TIAM1: variants seen among roughly 807,000 people sequenced by gnomAD.
TIAM1 encodes rho guanine nucleotide exchange factor TIAM1.
In TIAM1, 65 loss-of-function variants were observed where a neutral mutation model predicts 163.5. That is an observed-to-expected ratio of 0.40 (90% CI 0.33 to 0.49). TIAM1 has a LOEUF of 0.49. Ranked by LOEUF, TIAM1 falls within the 20% of genes least tolerant of loss-of-function variation. The pLI, the probability that TIAM1 is intolerant of heterozygous loss-of-function variation, is 0.77. For synonymous variants in TIAM1, 833 were observed against 810.1 expected (o/e 1.03, Z -0.48); for missense variants, 1,789 against 2,044.7 (o/e 0.87, Z 2.41).
Position 31,223,550 on chromosome 21 carries a change from G to T in TIAM1, c.1851C>A (p.Asp617Glu). 2 of 1,612,714 alleles carry T rather than the reference G, an allele frequency of 1.2e-6. No individual in the cohort carries two copies. Among genetic ancestry groups the T allele is most frequent in the Non-Finnish European group, 1.7e-6 (2 of 1,179,012 alleles). Reference sequence around the variant, plus strand: ...CTAAATAACAGCGGAAACGAAACAGGTCCATTTGGAACTGCTCGAGATTTT... The same window carrying T: ...CTAAATAACAGCGGAAACGAAACAGTTCCATTTGGAACTGCTCGAGATTTT... ...WEQNLEQFQM[D>E]LFRFRCYLAS... Residue 617 changes from aspartate to glutamate, a missense_variant, in exon 8 of 28, where the codon GAC (aspartate) becomes GAA (glutamate). Asp to Glu is a conservative substitution (Grantham distance 45). This residue lies in a region of TIAM1 where 456 missense variants were observed against 586.6 expected (regional missense o/e 0.78). Coordinates refer to ENST00000541036, the MANE Select transcript of TIAM1 (RefSeq NM_001353694.2).
chr21:31,424,531 A>G (rs2043713426), intron 2 of TIAM1, among the ~76,000 whole-genome samples: 1 of 152,214 alleles, frequency 6.6e-6, no homozygotes, highest in Admixed American at 6.5e-5. Flanking sequence ...ACTGAAATAA[A>G]CCAGTTGCAA....
chr21:31,264,167 T>C (rs188354445), intron 4 of TIAM1, among the ~76,000 whole-genome samples: 79 of 152,282 alleles, frequency 5.2e-4, no homozygotes, highest in Non-Finnish European at 9.3e-4. Flanking sequence ...CACGTGCATG[T>C]TTGTTACATG....
At chr21:31,530,598 A>G (rs1470116622) in intron 1 of TIAM1, among the ~76,000 whole-genome samples, 2 of 152,228 alleles carry the variant, frequency 1.3e-5, no homozygotes, top group African/African-American at 4.8e-5. Flanking sequence ...GGGGCACCCC[A>G]GTGCCCGACT....
chr21:31,261,647 A>T (rs2072481688), intron 4 of TIAM1, among the ~76,000 whole-genome samples: 1 of 152,186 alleles, frequency 6.6e-6, no homozygotes, highest in Non-Finnish European at 1.5e-5. Flanking sequence ...TGGGAGGCAG[A>T]GGTTGCAGTG....
chr21:31,557,737 G>A (rs1402818297), intron 1 of TIAM1, among the ~76,000 whole-genome samples: 1 of 152,178 alleles, frequency 6.6e-6, no homozygotes, highest in East Asian at 1.9e-4. Flanking sequence ...TGTCCCCAAG[G>A]GCTCGCGCAC....
At chr21:31,296,879 G>T (rs866762451) in intron 2 of TIAM1, among the ~76,000 whole-genome samples, 2 of 152,134 alleles carry the variant, frequency 1.3e-5, no homozygotes, top group Non-Finnish European at 2.9e-5. Context: ...TAGCCAGGAT[G>T]GTCTTGATTT....
At chr21:31,296,629 C>T (rs907863178) in intron 2 of TIAM1, among the ~76,000 whole-genome samples, 6 of 152,024 alleles carry the variant, frequency 3.9e-5, no homozygotes, top group African/African-American at 1.4e-4. Context: ...CAGGGGAGTC[C>T]AGGGTCCTTT....
At chr21:31,546,242 G>GAA (rs34553938) in intron 1 of TIAM1, among the ~76,000 whole-genome samples, 7 of 148,958 alleles carry the variant, frequency 4.7e-5, no homozygotes, top group Admixed American at 1.3e-4. Flanking sequence ...CAGGTAGAAG[G>GAA]AAAAAAAAAT....
rs559679828 is a variant in TIAM1, at chr21:31,367,548, C to T, written c.-368-28126G>A. Reference sequence around the variant, plus strand: ...TTGGTATTCAACCCAAACTTACCTACCTAATAAGTTTGGCAAGAATGTTTT... The same window carrying T: ...TTGGTATTCAACCCAAACTTACCTATCTAATAAGTTTGGCAAGAATGTTTT... On this transcript the variant is annotated intron_variant, in intron 2 of 28. Transcript: ENST00000286827. Among the ~76,000 whole-genome samples the T allele has an allele frequency of 3.9e-5, 6 of 152,214 alleles. No homozygotes were observed. The South Asian group carries it at 8.3e-4, about 21-fold the overall frequency.
intron 2 of TIAM1, among the ~76,000 whole-genome samples, chr21:31,355,156 C>T (rs927207123): frequency 1.1e-4 from 16 of 148,612 alleles, no homozygotes; most frequent in Admixed American, 8.1e-4. Context: ...ACCCACCAGA[C>T]ACTGTTCCCC....
chr21:31,489,213 T>A (rs1197938069), intron 1 of TIAM1, among the ~76,000 whole-genome samples: 1 of 150,488 alleles, frequency 6.6e-6, no homozygotes, highest in Non-Finnish European at 1.5e-5. Flanking sequence ...ACAAGAATTT[T>A]TGCAACCTTG....
At chr21:31,492,647 A>G (rs2046506342) in intron 1 of TIAM1, among the ~76,000 whole-genome samples, 1 of 152,154 alleles carries the variant, frequency 6.6e-6, no homozygotes, top group African/African-American at 2.4e-5. Context: ...TAAAATGTAT[A>G]AAAGCAACCT....
Position 31,181,756 on chromosome 21 carries a change from CTTTTTTTTTTT to C in TIAM1, c.2887+654_2887+664del, listed in dbSNP as rs781153297. ...CCCAGCACTTCTTCTTCTTCTTCTT[CTTTTTTTTTTT>C]TTTTTTTTTTTTTTTTTTTTTTTTT... On this transcript the variant is annotated intron_variant, in intron 15 of 27. Coordinates refer to ENST00000541036, the MANE Select transcript of TIAM1 (RefSeq NM_001353694.2). Among the ~76,000 whole-genome samples, 396 of 41,280 alleles carry C rather than the reference CTTTTTTTTTTT, an allele frequency of 9.6e-3. 31 individuals are homozygous for C. The highest frequency in any genetic ancestry group is 0.013 in the Non-Finnish European group (242 of 18,760). 27.1% of individuals were successfully genotyped at this position (41,280 alleles called of 152,430 possible). A position where few individuals can be genotyped will look rare whatever the true frequency, so the allele number is the denominator to read the frequency against.
intron 11 of TIAM1, among the ~76,000 whole-genome samples, chr21:31,209,674 AACGCCAAAATG>A (rs2086627855): frequency 6.6e-6 from 1 of 152,246 alleles, no homozygotes; most frequent in African/African-American, 2.4e-5. Flanking sequence ...TGAATGGTCA[AACGCCAAAATG>A]TTTGCAATGG....
At chr21:31,343,941 C>T (rs986890776) in intron 1 of TIAM1, among the ~76,000 whole-genome samples, 197 bp downstream of exon 1, 4 of 152,230 alleles carry the variant, frequency 2.6e-5, no homozygotes, top group African/African-American at 9.6e-5. Flanking sequence ...CGCGCCGAGC[C>T]TCGGGGCGCA....
chr21:31,185,851 A>G lies in TIAM1; in HGVS notation c.2662+1150T>C, dbSNP rs868655934. ...CCATGTGACTTCAGGCAGAGATTGGAGTGATACAGCCATAAGCCACAGAAT... is the reference window on the plus strand; with the variant it reads ...CCATGTGACTTCAGGCAGAGATTGGGGTGATACAGCCATAAGCCACAGAAT... On this transcript the variant is annotated intron_variant, in intron 14 of 27. Transcript: ENST00000541036. Among the ~76,000 whole-genome samples the G allele has an allele frequency of 2.6e-5, 4 of 152,062 alleles. No individual in the cohort carries two copies. In the South Asian group the frequency reaches 8.3e-4, roughly 32 times the overall value.
chr21:31,389,551 C>G (rs901687232), intron 2 of TIAM1, among the ~76,000 whole-genome samples: 1 of 152,196 alleles, frequency 6.6e-6, no homozygotes, highest in Non-Finnish European at 1.5e-5. Context: ...TTAGCCTAAG[C>G]AACAAAACAA....
intron 2 of TIAM1, chr21:31,453,163 C>A (rs2044937361): frequency 3.4e-6 from 1 of 290,764 alleles, no homozygotes; most frequent in Non-Finnish European, 6.9e-6. Context: ...AAGTGAAAAA[C>A]ACAGTGGTGT....
intron 2 of TIAM1, among the ~76,000 whole-genome samples, chr21:31,281,113 G>C (rs373333639): frequency 2.1e-4 from 26 of 125,770 alleles, no homozygotes; most frequent in African/African-American, 8.0e-4. Context: ...AAAAAACAAC[G>C]ACAAAAAAAC....
Sources: allele counts gnomAD v4.1 joint callset (sites outside exome capture counted in the v4.1 genomes callset), GRCh38; gene constraint gnomAD v4.1.1; regional missense constraint gnomAD v4.1.1; transcripts MANE v1.5; gene names NCBI Gene and HGNC (gene_info 2026-07-23, HGNC 2026-07-21).